The following SKA1 variants were observed in gnomAD, a reference collection of about 807,000 sequenced individuals.
SKA1 encodes SKA complex subunit 1.
SKA1 carries 20 observed loss-of-function variants against 31.8 expected under a neutral mutation model. That is an observed-to-expected ratio of 0.63 (90% CI 0.44 to 0.91). SKA1 has a LOEUF of 0.91. Ranked by LOEUF, SKA1 falls within the 40% of genes least tolerant of loss-of-function variation. SKA1 has a pLI of 0.00. For synonymous variants in SKA1, 88 were observed against 100.5 expected (o/e 0.88, Z 0.74); for missense variants, 253 against 298.2 (o/e 0.85, Z 1.12).
chr18:50,375,915 TGTG>T lies in SKA1; in HGVS notation c.88_88+2del. ...TAAGAAAACCTTATCATTAAGAAAC[TGTG>T]GTAAGTAAAACAGATTCCACTGACT... On this transcript the variant is annotated inframe_deletion and splice_region_variant, in exon 2 of 7. Coordinates refer to ENST00000285116, the MANE Select transcript of SKA1 (RefSeq NM_145060.4). 1.3e-6 allele frequency: 2 copies of T among 1,574,970 alleles called. No homozygotes were observed. Among genetic ancestry groups the T allele is most frequent in the Non-Finnish European group, 1.7e-6 (2 of 1,148,966 alleles).
intron 4 of SKA1, among the ~76,000 whole-genome samples, chr18:50,382,562 G>C (rs1243233242): frequency 6.6e-6 from 1 of 151,582 alleles, no homozygotes; most frequent in Non-Finnish European, 1.5e-5. Context: ...AGGACATTGA[G>C]TAGTGTTCTT....
At chr18:50,375,782 T>A in intron 1 of SKA1, 38 bp from the exon 2 acceptor site, 1 of 1,336,146 alleles carries the variant, frequency 7.5e-7, no homozygotes, top group Non-Finnish European at 1.0e-6. Flanking sequence ...TTTGTGTGGC[T>A]TTTCTTGTTA....
At chr18:50,389,527 C>G (rs1045154036) in intron 5 of SKA1, among the ~76,000 whole-genome samples, 1 of 151,868 alleles carries the variant, frequency 6.6e-6, no homozygotes, top group African/African-American at 2.4e-5. Context: ...TCCCAAGTAG[C>G]TGGGACCACA....
At chr18:50,379,290 A>G (rs1398693244) in intron 2 of SKA1, among the ~76,000 whole-genome samples, 2 of 152,128 alleles carry the variant, frequency 1.3e-5, no homozygotes, top group Non-Finnish European at 2.9e-5. Context: ...AGAATATACT[A>G]CTTTATAAAT....
chr18:50,378,386 A>C (rs370895875), intron 2 of SKA1, among the ~76,000 whole-genome samples: 46 of 152,312 alleles, frequency 3.0e-4, no homozygotes, highest in African/African-American at 1.1e-3. Flanking sequence ...TGACTAGATT[A>C]CTACATAAAA....
intron 6 of SKA1, 120 bp downstream of exon 6, chr18:50,391,413 G>T (rs1470145416): frequency 4.7e-5 from 47 of 1,007,312 alleles, no homozygotes; most frequent in Non-Finnish European, 5.8e-5. Flanking sequence ...ACCAGGAGCA[G>T]TTATCCTACC....
At chr18:50,385,984 GTGTT>G (rs144750494) in intron 5 of SKA1, among the ~76,000 whole-genome samples, 7,457 of 152,130 alleles carry the variant, frequency 0.049, 637 homozygotes, top group African/African-American at 0.17. Context: ...TTACTAGAAA[GTGTT>G]TGTTGTCAGA....
At chr18:50,382,526 G>T (rs1161592039) in intron 4 of SKA1, among the ~76,000 whole-genome samples, 1 of 151,480 alleles carries the variant, frequency 6.6e-6, no homozygotes, top group Admixed American at 6.6e-5. Context: ...GACATTTTAG[G>T]CAGGTTAATT....
At chr18:50,383,536 C>T (rs1316642801) in intron 4 of SKA1, among the ~76,000 whole-genome samples, 1 of 152,192 alleles carries the variant, frequency 6.6e-6, no homozygotes, top group African/African-American at 2.4e-5. Flanking sequence ...AGACCTGGCT[C>T]TCTTGTTTCT....
chr18:50,381,597 C>A lies in SKA1; in HGVS notation c.214-532C>A, dbSNP rs9304400. ...TGCAATGTGATTATAGTGATTGTTCCCTGAAAAAAATCCAGTAGAGAAAAA... is the reference window on the plus strand; with the variant it reads ...TGCAATGTGATTATAGTGATTGTTCACTGAAAAAAATCCAGTAGAGAAAAA... On this transcript the variant is annotated intron_variant, in intron 3 of 6. Transcript: ENST00000285116. 2.9e-3 allele frequency among the ~76,000 whole-genome samples: 440 copies of A among 152,024 alleles called. 6 individuals are homozygous for A. Among genetic ancestry groups the A allele is most frequent in the African/African-American group, 9.9e-3 (408 of 41,408 alleles).
At chr18:50,379,494 C>A (rs570363949) in intron 2 of SKA1, among the ~76,000 whole-genome samples, 3 of 152,306 alleles carry the variant, frequency 2.0e-5, no homozygotes, top group African/African-American at 4.8e-5. Context: ...ACTGAAGGGC[C>A]TGTCTAAAAC....
chr18:50,388,749 C>T (rs866243772), intron 5 of SKA1, among the ~76,000 whole-genome samples: 1 of 152,084 alleles, frequency 6.6e-6, no homozygotes, highest in African/African-American at 2.4e-5. Flanking sequence ...TTTCCTTGGC[C>T]TATTTCAAAA....
rs1568329984 is a variant in SKA1 at position 50,385,247 on chromosome 18, CCAAT to C, written c.347_350del (p.Ile116LysfsTer8). 2 of 1,613,208 alleles carry C rather than the reference CCAAT, an allele frequency of 1.2e-6. No homozygotes were observed. Among genetic ancestry groups the C allele is most frequent in the South Asian group, 1.1e-5 (1 of 91,010 alleles). On this transcript the variant is annotated frameshift_variant, in exon 5 of 7. Transcript: ENST00000285116. LOFTEE classifies it high-confidence loss of function. ...GGGATCAGATCTTGATCCTGAAGAACCAATCAAAGTTGAAGAACCTGAACCCGTA... is the reference window on the plus strand; with the variant it reads ...GGGATCAGATCTTGATCCTGAAGAACCAAAGTTGAAGAACCTGAACCCGTA...
In SKA1 at chr18:50,380,309, A is replaced by G. The variant is rs990376138; in HGVS notation, c.213+59A>G. ...GACAATACATACAAACTCCCTAATCATTAAGTAATTTTTAAGGATGCTTTG... is the reference window on the plus strand; with the variant it reads ...GACAATACATACAAACTCCCTAATCGTTAAGTAATTTTTAAGGATGCTTTG... On this transcript the variant is annotated intron_variant, in intron 3 of 6. Transcript: ENST00000285116. 6.8e-6 allele frequency: 10 copies of G among 1,462,032 alleles called. No homozygotes were observed. In the South Asian group the frequency reaches 6.9e-5, roughly 10 times the overall value. The allele number at this position is 1,462,032 out of a possible 1,614,324, so 90.6% of individuals were successfully genotyped here.
intron 2 of SKA1, among the ~76,000 whole-genome samples, chr18:50,379,549 T>C (rs987438090): frequency 1.3e-5 from 2 of 152,152 alleles, no homozygotes; most frequent in Non-Finnish European, 2.9e-5. Flanking sequence ...TCACTGAAAA[T>C]ATATTCATAA....
chr18:50,381,469 G>A (rs2041261752), intron 3 of SKA1, among the ~76,000 whole-genome samples: 3 of 152,092 alleles, frequency 2.0e-5, no homozygotes. Flanking sequence ...GCCAACAAAC[G>A]CAATTTATGA....
chr18:50,377,785 C>T (rs1438854132), intron 2 of SKA1, among the ~76,000 whole-genome samples: 1 of 152,170 alleles, frequency 6.6e-6, no homozygotes, highest in African/African-American at 2.4e-5. Flanking sequence ...GTTAGATAGG[C>T]CATTTCGAAT....
chr18:50,391,437 C>A, intron 6 of SKA1, 144 bp downstream of exon 6: 1 of 866,920 alleles, frequency 1.2e-6, no homozygotes, highest in Non-Finnish European at 1.6e-6. Context: ...AGACATTTTA[C>A]CATGTCTGGA....
Position 50,385,228 on chromosome 18 carries a change from A to G in SKA1, c.324A>G (p.Ser108=), listed in dbSNP as rs1409549014. The change falls in exon 5 of 7, where the codon TCA becomes TCG. Residue 108 remains serine (S), a synonymous_variant. Coordinates refer to ENST00000285116, the MANE Select transcript of SKA1 (RefSeq NM_145060.4). ...CTGTATTCTGTAGTGTTAAGGGATC[A>G]GATCTTGATCCTGAAGAACCAATCA... is the stretch of plus-strand genomic sequence containing the variant. ...VTVTQSCVKG[S]DLDPEEPIKV... is the part of the protein sequence containing the mutation. 6.2e-7 allele frequency: 1 copy of G among 1,612,882 alleles called. No homozygotes were observed. The highest frequency in any genetic ancestry group is 2.2e-5 in the East Asian group (1 of 44,784).
Sources: allele counts gnomAD v4.1 joint callset (sites outside exome capture counted in the v4.1 genomes callset), GRCh38; gene constraint gnomAD v4.1.1; transcripts MANE v1.5; gene names NCBI Gene and HGNC (gene_info 2026-07-23, HGNC 2026-07-21).